Variants in TTLL5 observed in about 807,000 individuals in gnomAD.
The protein encoded by TTLL5 is tubulin polyglutamylase TTLL5.
Under a neutral mutation model 168.4 loss-of-function variants are expected in TTLL5, and 132 were observed. The observed-to-expected ratio is 0.78, with a 90% CI of 0.68 to 0.91. TTLL5 has a LOEUF of 0.91. Among genes scored for constraint, TTLL5 ranks in the 40% least tolerant of loss-of-function variants. TTLL5 has a pLI of 0.00. For synonymous variants in TTLL5, 546 were observed against 558.6 expected (o/e 0.98, Z 0.32); for missense variants, 1,545 against 1,581.5 (o/e 0.98, Z 0.39).
intron 30 of TTLL5, among the ~76,000 whole-genome samples, chr14:75,894,504 G>A (rs2032558572): frequency 6.6e-6 from 1 of 151,784 alleles, no homozygotes; most frequent in South Asian, 2.1e-4. Flanking sequence ...AGTGAGCCGA[G>A]ATCACACGCC....
At position 75,863,787 on chromosome 14, in the gene TTLL5, A is replaced by G. The variant is rs140548477; in HGVS notation, c.3447A>G (p.Gln1149=). ...YHPTAGSYQL[Q]FALQQLEQQK... is the part of the protein sequence containing the mutation. Reference sequence around the variant, plus strand: ...CCACAGCAGGCAGCTATCAGCTTCAATTTGCCCTGCAGCAACTTGAACAAC... The same window carrying G: ...CCACAGCAGGCAGCTATCAGCTTCAGTTTGCCCTGCAGCAACTTGAACAAC... The change falls in exon 29 of 32, where the codon CAA becomes CAG. Residue 1149 remains glutamine (Q), a synonymous_variant. Transcript: ENST00000298832. The G allele has an allele frequency of 7.4e-5, 120 of 1,613,786 alleles. No homozygotes were observed. Among genetic ancestry groups the G allele is most frequent in the Non-Finnish European group, 2.6e-5 (31 of 1,179,936 alleles).
chr14:75,834,639 G>C (rs1895777295), intron 28 of TTLL5, among the ~76,000 whole-genome samples: 1 of 152,060 alleles, frequency 6.6e-6, no homozygotes, highest in South Asian at 2.1e-4. Context: ...ACTTCTACCT[G>C]GGCAGTTCTT....
Position 75,743,249 on chromosome 14 carries a change from A to C in TTLL5, c.1282-1846A>C, listed in dbSNP as rs191538547. ...ATTTAGCTTTTATAACTCCCATGCT[A>C]GCTTTGGAGATTGGTTAGTTGGTCT... is the stretch of plus-strand genomic sequence containing the variant. On this transcript the variant is annotated intron_variant, in intron 15 of 31. Transcript: ENST00000298832. Among the ~76,000 whole-genome samples the C allele has an allele frequency of 9.6e-4, 146 of 152,300 alleles. 1 individual carries two copies. The highest frequency in any genetic ancestry group is 1.5e-3 in the Non-Finnish European group (105 of 68,016).
At chr14:75,826,296 T>TACACACACAC (rs57519882) in intron 28 of TTLL5, among the ~76,000 whole-genome samples, 4,194 of 139,368 alleles carry the variant, frequency 0.03, 89 homozygotes, top group East Asian at 0.089. Context: ...AGGATACGCG[T>TACACACACAC]ACACACACAC....
intron 24 of TTLL5, among the ~76,000 whole-genome samples, chr14:75,782,124 G>A (rs996276603): frequency 6.6e-6 from 1 of 152,024 alleles, no homozygotes; most frequent in African/African-American, 2.4e-5. Flanking sequence ...ACCAACCAGC[G>A]TGATCTCTTA....
intron 5 of TTLL5, chr14:75,689,667 T>G (rs953237035): frequency 1.3e-5 from 2 of 155,954 alleles, no homozygotes; most frequent in Admixed American, 6.5e-5. Flanking sequence ...AGGGACAGAA[T>G]ACTGATACAT....
intron 27 of TTLL5, among the ~76,000 whole-genome samples, chr14:75,817,774 C>G (rs975199462): frequency 1.3e-5 from 2 of 151,144 alleles, no homozygotes; most frequent in Non-Finnish European, 2.9e-5. Flanking sequence ...TCAACAGTCC[C>G]GGTGCATCTT....
At chr14:75,850,321 G>A (rs575708488) in intron 28 of TTLL5, among the ~76,000 whole-genome samples, 2 of 147,458 alleles carry the variant, frequency 1.4e-5, no homozygotes, top group East Asian at 2.0e-4. Flanking sequence ...CAGGAGAATC[G>A]CTTGAACCTG....
intron 14 of TTLL5, 66 bp downstream of exon 14, chr14:75,734,116 C>A: frequency 6.5e-7 from 1 of 1,530,860 alleles, no homozygotes; most frequent in Non-Finnish European, 9.0e-7. Context: ...TTTTATCAGA[C>A]TCCATAGGTT....
In TTLL5 at chr14:75,921,017, T is replaced by C. The variant is rs993051420; in HGVS notation, c.3823+18793T>C. On this transcript the variant is annotated intron_variant, in intron 31 of 31. Coordinates refer to ENST00000298832, the MANE Select transcript of TTLL5 (RefSeq NM_015072.5). ...TTCATGTGTGTGTTGGCTACATAAA[T>C]GTCTTCTTTTGAGAAGTGTCTGTTC... Among the ~76,000 whole-genome samples, 11 of 152,258 alleles carry C rather than the reference T, an allele frequency of 7.2e-5. 1 individual carries two copies. The highest frequency in any genetic ancestry group is 2.4e-4 in the African/African-American group (10 of 41,470).
chr14:75,826,961 G>A (rs571461926), intron 28 of TTLL5, among the ~76,000 whole-genome samples: 1 of 151,924 alleles, frequency 6.6e-6, no homozygotes, highest in Non-Finnish European at 1.5e-5. Flanking sequence ...GACTCTCAGC[G>A]TATTACCTAC....
At chr14:75,803,120 A>G (rs1893427046) in intron 27 of TTLL5, 1 of 152,222 alleles carries the variant, frequency 6.6e-6, no homozygotes, top group Admixed American at 6.5e-5. Flanking sequence ...ATTCTCTGAG[A>G]CACAATTGCT....
intron 9 of TTLL5, among the ~76,000 whole-genome samples, chr14:75,716,516 TGTG>T (rs973339969): frequency 3.9e-5 from 6 of 152,218 alleles, no homozygotes; most frequent in African/African-American, 7.2e-5. Flanking sequence ...TGACCTTTAA[TGTG>T]GTGAAAATTC....
intron 30 of TTLL5, chr14:75,887,406 A>T (rs2032175501): frequency 1.2e-6 from 1 of 833,956 alleles, no homozygotes; most frequent in Non-Finnish European, 1.4e-6. Flanking sequence ...AGCATAGAAG[A>T]TACCATATTG....
intron 31 of TTLL5, among the ~76,000 whole-genome samples, chr14:75,905,881 C>T (rs991478383): frequency 6.6e-6 from 1 of 152,190 alleles, no homozygotes; most frequent in African/African-American, 2.4e-5. Flanking sequence ...CCTCTCCCTC[C>T]TTTTATTTTT....
intron 27 of TTLL5, among the ~76,000 whole-genome samples, chr14:75,802,953 A>G (rs1052665944): frequency 6.6e-6 from 1 of 152,216 alleles, no homozygotes; most frequent in Non-Finnish European, 1.5e-5. Flanking sequence ...TCACTTGTGC[A>G]TATGTAGCGA....
rs529848132 is a variant in TTLL5, at chr14:75,669,591, G to T, written c.181+69G>T. 3.9e-5 allele frequency: 54 copies of T among 1,368,084 alleles called. No homozygotes were observed. The African/African-American group carries it at 6.8e-4, about 17-fold the overall frequency. The allele number at this position is 1,368,084 out of a possible 1,614,324, so 84.7% of individuals were successfully genotyped here. On this transcript the variant is annotated intron_variant, in intron 3 of 31. Transcript: ENST00000298832. The stretch of plus-strand genomic sequence containing the variant: ...CAGACGTCCTTGTCTTAAAGAAGTT[G>T]ATATGACATATATATAGGGAAAGGG...
Position 75,720,694 on chromosome 14 carries a change from A to G in TTLL5, c.1033A>G (p.Ser345Gly), listed in dbSNP as rs746432496. The stretch of plus-strand genomic sequence containing the variant: ...TAAAACCTTTGTTCCTCATCGCAGC[A>G]GTTGTTTTGGTAAGGAGACTCAAGA... ...ACKTFVPHRS[S>G]CFELYGFDVL... Residue 345 changes from serine (S) to glycine (G), a missense_variant, in exon 12 of 32, where the codon AGT becomes GGT. Coordinates refer to ENST00000298832, the MANE Select transcript of TTLL5 (RefSeq NM_015072.5). 4 of 1,613,304 alleles carry G rather than the reference A, an allele frequency of 2.5e-6. No homozygotes were observed. In the East Asian group the frequency reaches 8.9e-5, roughly 36 times the overall value.
intron 1 of TTLL5, 93 bp downstream of exon 1, chr14:75,661,480 C>G: frequency 6.6e-6 from 1 of 152,406 alleles, no homozygotes; most frequent in South Asian, 2.1e-4. Flanking sequence ...GCTCAGAGCC[C>G]GGGAGTAGCT....
Sources: gnomAD v4.1 joint callset for allele counts (sites outside exome capture counted in the v4.1 genomes callset) on GRCh38, gnomAD v4.1.1 for gene constraint, MANE v1.5 for transcripts, NCBI Gene and HGNC (gene_info 2026-07-23, HGNC 2026-07-21) for gene names.